The following KDM5B variants were observed in gnomAD, a reference collection of about 807,000 sequenced individuals.
The protein encoded by KDM5B is lysine demethylase 5B, also known as lysine-specific demethylase 5B.
Under a neutral mutation model 193.4 loss-of-function variants are expected in KDM5B, and 144 were observed. The ratio of observed to expected loss-of-function variants is 0.74; its 90% CI spans 0.65 to 0.86. The LOEUF is 0.86. Ranked by LOEUF, KDM5B falls within the 40% of genes least tolerant of loss-of-function variation. The pLI, the probability that KDM5B is intolerant of heterozygous loss-of-function variation, is 0.00. For missense variants in KDM5B, 1,833 were observed against 1,886.9 expected, an observed-to-expected ratio of 0.97 and a Z score of 0.53; for synonymous variants, 668 against 682.6, an observed-to-expected ratio of 0.98 and a Z score of 0.33.
chr1:202,739,269 A>G (rs900155019), intron 20 of KDM5B, among the ~76,000 whole-genome samples: 6 of 152,304 alleles, frequency 3.9e-5, no homozygotes, highest in Non-Finnish European at 5.9e-5. Flanking sequence ...CTCCCAGAAA[A>G]AGTTGGTGAC....
In KDM5B at chr1:202,749,096, T is replaced by C; in HGVS notation, c.1865A>G (p.His622Arg). ...ATCGTGGGAAAACACACAATATCGATGAAGCAAGCGATAATGCTCCACACA... is the reference window on the plus strand; with the variant it reads ...ATCGTGGGAAAACACACAATATCGACGAAGCAAGCGATAATGCTCCACACA... Reference protein sequence around the residue: ...RQCVEHYRLLHRYCVFSHDEM... With the variant: ...RQCVEHYRLLRRYCVFSHDEM... The change falls in exon 14 of 27, where the codon CAT (histidine) becomes CGT (arginine). Residue 622 changes from histidine (H) to arginine (R), a missense_variant. His to Arg is a conservative substitution (Grantham distance 29, BLOSUM62 0). This residue lies in a region of KDM5B where 1,379 missense variants were observed against 1,349.6 expected (regional missense o/e 1.02). Transcript: ENST00000367265. The C allele has an allele frequency of 6.2e-7, 1 of 1,614,014 alleles. No individual in the cohort carries two copies. Among genetic ancestry groups the C allele is most frequent in the Non-Finnish European group, 8.5e-7 (1 of 1,179,984 alleles).
At chr1:202,750,541 C>T (rs1052866159) in intron 13 of KDM5B, 118 bp downstream of exon 13, 1 of 1,082,832 alleles carries the variant, frequency 9.2e-7, no homozygotes. Context: ...TCCGAAAGCG[C>T]TGGGATTATA....
At chr1:202,770,528 C>A (rs1656669593) in intron 4 of KDM5B, among the ~76,000 whole-genome samples, 1 of 152,124 alleles carries the variant, frequency 6.6e-6, no homozygotes, top group African/African-American at 2.4e-5. Context: ...AAGGAATATT[C>A]ATCATAGTAT....
intron 1 of KDM5B, among the ~76,000 whole-genome samples, chr1:202,788,906 A>G (rs1330082486): frequency 6.6e-6 from 1 of 152,206 alleles, no homozygotes; most frequent in Non-Finnish European, 1.5e-5. Context: ...AGGATTATAT[A>G]CTTTAAAAAG....
intron 11 of KDM5B, among the ~76,000 whole-genome samples, chr1:202,753,669 T>A (rs1472757619): frequency 8.9e-6 from 1 of 112,554 alleles, no homozygotes; most frequent in African/African-American, 2.7e-5. Context: ...TTGTTGTTTT[T>A]TTTTTGTTTT....
At chr1:202,738,906 A>G (rs993877194) in intron 20 of KDM5B, among the ~76,000 whole-genome samples, 4 of 152,232 alleles carry the variant, frequency 2.6e-5, no homozygotes, top group African/African-American at 7.2e-5. Context: ...GTCAATAAGT[A>G]TAACATCTAG....
intron 1 of KDM5B, among the ~76,000 whole-genome samples, chr1:202,792,756 G>A (rs1324475242): frequency 6.6e-6 from 1 of 152,166 alleles, no homozygotes; most frequent in East Asian, 1.9e-4. Flanking sequence ...AGCACTTTGG[G>A]AGGCTGAGGT....
chr1:202,764,711 C>T (rs1040398639), intron 5 of KDM5B, among the ~76,000 whole-genome samples: 1 of 151,996 alleles, frequency 6.6e-6, no homozygotes, highest in Non-Finnish European at 1.5e-5. Flanking sequence ...GGGCGAGGTG[C>T]CTCACACCTG....
chr1:202,768,546 G>A (rs1446679964), intron 4 of KDM5B, among the ~76,000 whole-genome samples: 2 of 151,934 alleles, frequency 1.3e-5, no homozygotes, highest in Non-Finnish European at 2.9e-5. Context: ...GCAACACAAT[G>A]ATAAAATTTA....
intron 13 of KDM5B, 63 bp downstream of exon 13, chr1:202,750,596 A>G: frequency 6.4e-7 from 1 of 1,568,504 alleles, no homozygotes; most frequent in Non-Finnish European, 8.7e-7. Flanking sequence ...TTAAAACATT[A>G]TATTCCATTT....
rs1245153530 is a variant in KDM5B at position 202,808,375 on chromosome 1, G to A, written c.-70C>T. ...CGAGGCTGCGAGCTCCGCTCGGTCC[G>A]AGACCCGTGCAGACGCGGCTCGAGC... On this transcript the variant is annotated 5_prime_UTR_variant, in exon 1 of 27. Transcript: ENST00000367265. The A allele has an allele frequency of 2.1e-6, 3 of 1,400,306 alleles. No homozygotes were observed. Among genetic ancestry groups the A allele is most frequent in the African/African-American group, 2.9e-5 (2 of 69,740 alleles). 86.7% of individuals were successfully genotyped at this position (1,400,306 alleles called of 1,614,324 possible).
At chr1:202,755,943 T>G (rs1224484919) in intron 10 of KDM5B, among the ~76,000 whole-genome samples, 1 of 151,484 alleles carries the variant, frequency 6.6e-6, no homozygotes, top group Non-Finnish European at 1.5e-5. Context: ...CTATGTACTT[T>G]TCTGATCATA....
chr1:202,762,987 A>G (rs1391113181), intron 6 of KDM5B, among the ~76,000 whole-genome samples, 179 bp from the exon 7 acceptor site: 4 of 152,236 alleles, frequency 2.6e-5, no homozygotes, highest in African/African-American at 9.6e-5. Context: ...TTATGATAAA[A>G]TGCAAACTCT....
At chr1:202,729,662 T>C in intron 26 of KDM5B, 45 bp downstream of exon 26, 1 of 1,542,836 alleles carries the variant, frequency 6.5e-7, no homozygotes, top group Non-Finnish European at 8.8e-7. Context: ...ACAGGGTTTC[T>C]GAGTTAAGGG....
rs572225802 is a variant in KDM5B at position 202,726,897 on chromosome 1, T to A, written c.*2139A>T. 1.1e-4 allele frequency: 17 copies of A among 152,208 alleles called. No homozygotes were observed. Among genetic ancestry groups the A allele is most frequent in the Non-Finnish European group, 2.5e-4 (17 of 68,046 alleles). 9.4% of individuals were successfully genotyped at this position (152,208 alleles called of 1,614,324 possible). On this transcript the variant is annotated 3_prime_UTR_variant, in exon 27 of 27. Transcript: ENST00000367265. ...TATTTACTAGTAGTACAGTGTAGCTTTGGGCAACTGACATTCTCTTTAAAT... is the reference window on the plus strand; with the variant it reads ...TATTTACTAGTAGTACAGTGTAGCTATGGGCAACTGACATTCTCTTTAAAT...
intron 13 of KDM5B, among the ~76,000 whole-genome samples, chr1:202,750,026 C>T (rs1275759706): frequency 6.6e-6 from 1 of 152,092 alleles, no homozygotes; most frequent in Non-Finnish European, 1.5e-5. Flanking sequence ...CTATACAAAG[C>T]CTTTAGACTG....
At chr1:202,746,022 G>T (rs757092150) in intron 15 of KDM5B, 40 bp from the exon 16 acceptor site, 1 of 1,611,912 alleles carries the variant, frequency 6.2e-7, no homozygotes, top group African/African-American at 1.3e-5. Flanking sequence ...GAGACGTGTA[G>T]CTTTGGAGAA....
intron 13 of KDM5B, 27 bp from the exon 14 acceptor site, chr1:202,749,166 A>G: frequency 6.3e-7 from 1 of 1,585,050 alleles, no homozygotes; most frequent in Non-Finnish European, 8.6e-7. Flanking sequence ...AAAGAAAAAA[A>G]TAACATTCAT....
In KDM5B at chr1:202,773,040, G is replaced by T. The variant is rs999802617; in HGVS notation, c.576+78C>A. ...ACAAGGTCTTCCAAACACAATCAAG[G>T]CTTTTTCATTTCCCTGAAAAGACAA... On this transcript the variant is annotated intron_variant, in intron 4 of 26. Transcript: ENST00000367265. 1.7e-5 allele frequency: 19 copies of T among 1,087,836 alleles called. No individual in the cohort carries two copies. The Middle Eastern group carries it at 6.4e-4, about 36-fold the overall frequency. 67.4% of individuals were successfully genotyped at this position (1,087,836 alleles called of 1,614,324 possible).
Sources: gnomAD v4.1 joint callset for allele counts (sites outside exome capture counted in the v4.1 genomes callset) on GRCh38, gnomAD v4.1.1 for gene constraint, gnomAD v4.1.1 regional missense constraint, MANE v1.5 for transcripts, NCBI Gene and HGNC (gene_info 2026-07-23, HGNC 2026-07-21) for gene names.